The following RD3 variants were observed in gnomAD, a reference collection of about 807,000 sequenced individuals.
The protein encoded by RD3 is RD3 regulator of GUCY2D.
RD3 carries 11 observed loss-of-function variants against 16.9 expected under a neutral mutation model. The observed-to-expected ratio is 0.65, with a 90% CI of 0.41 to 1.08. The LOEUF is 1.08. RD3 is among the 50% of genes least tolerant of loss of function. The pLI is 0.00. For synonymous variants in RD3, 116 were observed against 114.8 expected (o/e 1.01, Z -0.07); for missense variants, 274 against 267.4 (o/e 1.02, Z -0.17).
At chr1:211,483,337 C>T (rs1705313912) in intron 1 of RD3, among the ~76,000 whole-genome samples, 1 of 151,986 alleles carries the variant, frequency 6.6e-6, no homozygotes. Context: ...TGGCACATGC[C>T]TGTAGTCCCA....
chr1:211,489,149 A>T (rs1705433841), intron 1 of RD3, among the ~76,000 whole-genome samples: 1 of 152,226 alleles, frequency 6.6e-6, no homozygotes, highest in African/African-American at 2.4e-5. Flanking sequence ...AAATGAGATT[A>T]TGTCTTTGTA....
chr1:211,490,536 G>A (rs546925291), intron 1 of RD3, among the ~76,000 whole-genome samples: 35 of 152,342 alleles, frequency 2.3e-4, no homozygotes, highest in Admixed American at 1.5e-3. Context: ...CTCTGCTGAC[G>A]CCAGACGCTC....
intron 1 of RD3, 70 bp from the exon 2 acceptor site, chr1:211,481,496 C>T: frequency 1.4e-6 from 2 of 1,472,240 alleles, no homozygotes; most frequent in Non-Finnish European, 9.3e-7. Context: ...ACCTGGGAAC[C>T]CAAGGGGGAG....
chr1:211,484,740 G>GA (rs1333065889), intron 1 of RD3, among the ~76,000 whole-genome samples: 8 of 152,158 alleles, frequency 5.3e-5, no homozygotes, highest in Non-Finnish European at 1.0e-4. Flanking sequence ...ACTGCTCTCG[G>GA]CCCTCAGCCT....
intron 1 of RD3, among the ~76,000 whole-genome samples, chr1:211,481,689 C>T (rs71239017): frequency 0.15 from 23,315 of 152,186 alleles, 2,280 homozygotes; most frequent in South Asian, 0.22. Context: ...GTAAGAGACT[C>T]TTGTGATTAT....
intron 1 of RD3, among the ~76,000 whole-genome samples, chr1:211,486,664 C>T (rs1303538002): frequency 6.6e-6 from 1 of 152,080 alleles, no homozygotes; most frequent in Non-Finnish European, 1.5e-5. Flanking sequence ...GCCTGGCCAA[C>T]ATGGTGAAAT....
Position 211,478,505 on chromosome 1 carries a change from G to A in RD3, c.*531C>T, listed in dbSNP as rs1705193452. 4.0e-6 allele frequency: 1 copy of A among 251,984 alleles called. No individual in the cohort carries two copies. Among genetic ancestry groups the A allele is most frequent in the Non-Finnish European group, 7.5e-6 (1 of 134,136 alleles). 15.6% of individuals were successfully genotyped at this position (251,984 alleles called of 1,614,324 possible). A position where few individuals can be genotyped will look rare whatever the true frequency, so the allele number is the denominator to read the frequency against. On this transcript the variant is annotated 3_prime_UTR_variant, in exon 3 of 3. Coordinates refer to ENST00000680073, the MANE Select transcript of RD3 (RefSeq NM_001164688.2). ...CTAGCTGAAGAGAGTGGATCTAAATGTCTCTCTGGTCCCTTCCAGCTGTGC... is the reference window on the plus strand; with the variant it reads ...CTAGCTGAAGAGAGTGGATCTAAATATCTCTCTGGTCCCTTCCAGCTGTGC...
chr1:211,486,554 A>G (rs1356091310), intron 1 of RD3, among the ~76,000 whole-genome samples: 1 of 151,214 alleles, frequency 6.6e-6, no homozygotes, highest in Non-Finnish European at 1.5e-5. Context: ...GGATGTTAGA[A>G]AATAATCCAT....
chr1:211,491,395 C>T (rs908306043), intron 1 of RD3, among the ~76,000 whole-genome samples: 1 of 152,230 alleles, frequency 6.6e-6, no homozygotes, highest in East Asian at 1.9e-4. Context: ...CTTTCCTTCC[C>T]CCTGCCTGTG....
intron 1 of RD3, among the ~76,000 whole-genome samples, chr1:211,482,035 C>T (rs536672054): frequency 3.9e-5 from 6 of 152,222 alleles, no homozygotes; most frequent in Admixed American, 6.5e-5. Context: ...CAAGCCTGAC[C>T]AACATGGAGA....
intron 1 of RD3, among the ~76,000 whole-genome samples, chr1:211,483,700 G>C (rs1705321262): frequency 6.6e-6 from 1 of 151,974 alleles, no homozygotes; most frequent in African/African-American, 2.4e-5. Flanking sequence ...GGAGTGCAGG[G>C]GTGGGGGTGT....
Position 211,481,378 on chromosome 1 carries a change from G to T in RD3, c.38C>A (p.Pro13Gln), listed in dbSNP as rs1194832270. 2 of 1,613,590 alleles carry T rather than the reference G, an allele frequency of 1.2e-6. No homozygotes were observed. The highest frequency in any genetic ancestry group is 1.7e-5 in the Admixed American group (1 of 60,030). The change falls in exon 2 of 3, where the codon CCA becomes CAA. Residue 13 changes from proline to glutamine, a missense_variant. By Grantham distance (76) the Pro-to-Gln change is moderately conservative. Transcript: ENST00000680073. ...LISWLRWNEA[P>Q]SRLSTRSPAE... is the part of the protein sequence containing the mutation. ...AGGGCTCCTGGTGGACAGCCGGGAT[G>T]GGGCCTCGTTCCACCGAAGCCATGA...
chr1:211,481,091 C>T lies in RD3; in HGVS notation c.296+29G>A, dbSNP rs148178003. The T allele has an allele frequency of 2.1e-3, 3,459 of 1,612,140 alleles. 12 individuals are homozygous for T. Among genetic ancestry groups the T allele is most frequent in the African/African-American group, 0.015 (1,121 of 74,984 alleles). On this transcript the variant is annotated intron_variant, in intron 2 of 2. Coordinates refer to ENST00000680073, the MANE Select transcript of RD3 (RefSeq NM_001164688.2). The stretch of plus-strand genomic sequence containing the variant: ...AGCCACCTTTCCTGGAGCCTGCAGC[C>T]CAGCAAGGGTCCCCATCCCAGTGCT...
chr1:211,491,060 G>A (rs891209601), intron 1 of RD3, among the ~76,000 whole-genome samples: 4 of 152,216 alleles, frequency 2.6e-5, no homozygotes, highest in East Asian at 1.9e-4. Context: ...TGAGGCAGAG[G>A]TGCAGCCAGG....
chr1:211,481,124 G>A lies in RD3; in HGVS notation c.292C>T (p.Leu98Phe), dbSNP rs1419155278. 1.2e-6 allele frequency: 2 copies of A among 1,614,190 alleles called. No homozygotes were observed. Among genetic ancestry groups the A allele is most frequent in the Non-Finnish European group, 1.7e-6 (2 of 1,180,014 alleles). The change falls in exon 2 of 3, where the codon CTC (leucine) becomes TTC (phenylalanine). Residue 98 changes from leucine to phenylalanine, a missense_variant. Transcript: ENST00000680073. Reference sequence around the variant, plus strand: ...GGTCCCCATCCCAGTGCTCACCTGAGGATAGCAGGCCCACAATAGGATGGG... The same window carrying A: ...GGTCCCCATCCCAGTGCTCACCTGAAGATAGCAGGCCCACAATAGGATGGG... Reference protein sequence around the residue: ...IHPSYCGPAILRFRQLLAEQE... With the variant: ...IHPSYCGPAIFRFRQLLAEQE...
rs896090555 is a variant in RD3 at position 211,478,274 on chromosome 1, G to A, written c.*762C>T. ...GCTACACTTCTTGGAGAGCAGCTTA[G>A]ATTCTCATCCCACTGCCAAGGTAAG... On this transcript the variant is annotated 3_prime_UTR_variant, in exon 3 of 3. Transcript: ENST00000680073. 14 of 397,996 alleles carry A rather than the reference G, an allele frequency of 3.5e-5. No individual in the cohort carries two copies. Among genetic ancestry groups the A allele is most frequent in the Non-Finnish European group, 5.8e-5 (13 of 226,002 alleles). The allele number at this position is 397,996 out of a possible 1,614,324, so 24.7% of individuals were successfully genotyped here.
At chr1:211,480,890 T>C (rs1351667955) in intron 2 of RD3, among the ~76,000 whole-genome samples, 5 of 152,220 alleles carry the variant, frequency 3.3e-5, no homozygotes, top group Admixed American at 2.6e-4. Flanking sequence ...TTCTCTTGAA[T>C]CAAAACTCAC....
rs1313005580 is a variant in RD3, at chr1:211,489,791, G to C, written c.-12+1977C>G. Among the ~76,000 whole-genome samples, 5 of 152,068 alleles carry C rather than the reference G, an allele frequency of 3.3e-5. No individual in the cohort carries two copies. The East Asian group carries it at 7.7e-4, about 23-fold the overall frequency. On this transcript the variant is annotated intron_variant, in intron 1 of 2. Transcript: ENST00000680073. ...CCCAGCCCTGGCTTCTGGTCACCGT[G>C]TTGGGAGAGCTGAGCCTCCCTGTTT...
At chr1:211,484,079 G>C (rs1705328005) in intron 1 of RD3, among the ~76,000 whole-genome samples, 1 of 152,146 alleles carries the variant, frequency 6.6e-6, no homozygotes. Flanking sequence ...CGAGGTAGAT[G>C]TGGCCACTCT....
Sources: allele counts gnomAD v4.1 joint callset (sites outside exome capture counted in the v4.1 genomes callset), GRCh38; gene constraint gnomAD v4.1.1; transcripts MANE v1.5; gene names NCBI Gene and HGNC (gene_info 2026-07-23, HGNC 2026-07-21).